The following SLC16A7 variants were observed in gnomAD, a reference collection of about 807,000 sequenced individuals.
SLC16A7 encodes the protein monocarboxylate transporter 2.
SLC16A7 carries 33 observed loss-of-function variants against 34.9 expected under a neutral mutation model. The ratio of observed to expected loss-of-function variants is 0.94; its 90% CI spans 0.72 to 1.26. The LOEUF is 1.26. SLC16A7 is among the 50% of genes most tolerant of loss of function. The probability of loss-of-function intolerance (pLI) is 0.00; values close to 1 mark genes in which losing one functional copy is unlikely to be tolerated. For missense variants in SLC16A7, 573 were observed against 578.1 expected (o/e 0.99, Z 0.09); for synonymous variants, 201 against 206.6 (o/e 0.97, Z 0.23).
chr12:59,615,808 G>A (rs546821513), intron 1 of SLC16A7, among the ~76,000 whole-genome samples: 1 of 152,296 alleles, frequency 6.6e-6, no homozygotes, highest in East Asian at 1.9e-4. Flanking sequence ...CTTTATTCAT[G>A]AGAGATGTGA....
Position 59,786,216 on chromosome 12 carries a change from A to T in SLC16A7, c.*6537A>T, listed in dbSNP as rs1001618476. The T allele has an allele frequency of 6.6e-6, 1 of 150,640 alleles. No individual in the cohort carries two copies. The highest frequency in any genetic ancestry group is 1.5e-5 in the Non-Finnish European group (1 of 67,754). The allele number at this position is 150,640 out of a possible 1,614,324, so 9.3% of individuals were successfully genotyped here. A position where few individuals can be genotyped will look rare whatever the true frequency, so the allele number is the denominator to read the frequency against. On this transcript the variant is annotated 3_prime_UTR_variant, in exon 6 of 6. Transcript: ENST00000547379. ...TAAATAAAATAAAATAAAATAATAA[A>T]AATAAAAATAAAATAGAATAAGTTG...
chr12:59,629,860 C>A (rs1431673455), intron 1 of SLC16A7, among the ~76,000 whole-genome samples: 6 of 151,866 alleles, frequency 4.0e-5, no homozygotes, highest in Admixed American at 3.3e-4. Flanking sequence ...AATCTGTTTT[C>A]TCTTTTGAAT....
chr12:59,697,523 C>G (rs1872446511), intron 2 of SLC16A7, among the ~76,000 whole-genome samples: 1 of 151,670 alleles, frequency 6.6e-6, no homozygotes, highest in Non-Finnish European at 1.5e-5. Flanking sequence ...ATTTTTAGTC[C>G]TTTTCTGAAT....
chr12:59,665,277 G>A (rs953342589), intron 2 of SLC16A7, among the ~76,000 whole-genome samples: 12 of 151,732 alleles, frequency 7.9e-5, no homozygotes, highest in Non-Finnish European at 1.6e-4. Context: ...GCCAAGTCTT[G>A]GCTAGTAAGG....
chr12:59,635,403 A>G (rs1005777048), intron 1 of SLC16A7, among the ~76,000 whole-genome samples: 8 of 152,090 alleles, frequency 5.3e-5, no homozygotes, highest in African/African-American at 1.9e-4. Context: ...TTTTATATAC[A>G]AAGTGAGCTT....
At position 59,787,081 on chromosome 12, in the gene SLC16A7, A is replaced by T. The variant is rs1478852649; in HGVS notation, c.*7402A>T. ...TGTTATAGCAATATCAAAATCATTTAAAACATCAATATTGTATTAATAGAA... is the reference window on the plus strand; with the variant it reads ...TGTTATAGCAATATCAAAATCATTTTAAACATCAATATTGTATTAATAGAA... On this transcript the variant is annotated 3_prime_UTR_variant, in exon 6 of 6. Coordinates refer to ENST00000547379, the MANE Select transcript of SLC16A7 (RefSeq NM_001270623.2). 1 of 151,470 alleles carries T rather than the reference A, an allele frequency of 6.6e-6. No homozygotes were observed. Among genetic ancestry groups the T allele is most frequent in the Admixed American group, 6.5e-5 (1 of 15,268 alleles). 9.4% of individuals were successfully genotyped at this position (151,470 alleles called of 1,614,324 possible).
chr12:59,749,950 G>A (rs1177679132), intron 3 of SLC16A7, among the ~76,000 whole-genome samples: 3 of 151,826 alleles, frequency 2.0e-5, no homozygotes, highest in Non-Finnish European at 2.9e-5. Context: ...CATAGAAGAA[G>A]CAGGGCAATG....
chr12:59,770,851 T>G (rs1882152686), intron 3 of SLC16A7, among the ~76,000 whole-genome samples: 1 of 152,224 alleles, frequency 6.6e-6, no homozygotes, highest in African/African-American at 2.4e-5. Context: ...GACAAGTCAT[T>G]TATGTAATTC....
rs535447875 is a variant in SLC16A7 at position 59,753,201 on chromosome 12, C to T, written c.218-18018C>T. ...GCTAGGAAGAAACTGCATCAACTAACGAGCAAAATAACCAGCTAACATCAT... is the reference window on the plus strand; with the variant it reads ...GCTAGGAAGAAACTGCATCAACTAATGAGCAAAATAACCAGCTAACATCAT... On this transcript the variant is annotated intron_variant, in intron 3 of 5. Transcript: ENST00000547379. Among the ~76,000 whole-genome samples the T allele has an allele frequency of 1.8e-3, 268 of 152,198 alleles. 1 individual carries two copies. Among genetic ancestry groups the T allele is most frequent in the African/African-American group, 5.8e-3 (242 of 41,528 alleles).
intron 2 of SLC16A7, among the ~76,000 whole-genome samples, chr12:59,666,516 G>A (rs1211373005): frequency 3.3e-5 from 5 of 152,162 alleles, no homozygotes; most frequent in Non-Finnish European, 7.3e-5. Flanking sequence ...CCCACCTGTT[G>A]TGGGAGGGAC....
chr12:59,674,448 GAC>G (rs1284520809), intron 2 of SLC16A7, among the ~76,000 whole-genome samples: 1 of 152,170 alleles, frequency 6.6e-6, no homozygotes, highest in African/African-American at 2.4e-5. Flanking sequence ...TATTTAAGGT[GAC>G]AGGTAATCCA....
Position 59,779,458 on chromosome 12 carries a change from A to G in SLC16A7, c.1216A>G (p.Met406Val). The G allele has an allele frequency of 6.2e-7, 1 of 1,610,410 alleles. No individual in the cohort carries two copies. Among genetic ancestry groups the G allele is most frequent in the Non-Finnish European group, 8.5e-7 (1 of 1,177,544 alleles). The change falls in exon 6 of 6, where the codon ATG becomes GTG. Residue 406 changes from methionine (M) to valine (V), a missense_variant. Met to Val is a conservative substitution (Grantham distance 21). Coordinates refer to ENST00000547379, the MANE Select transcript of SLC16A7 (RefSeq NM_001270623.2). ...LVDLTGEYKYMYMSCGAIVVA... is the reference protein window; with the variant it reads ...LVDLTGEYKYVYMSCGAIVVA... ...GGATTTAACTGGAGAATATAAATAC[A>G]TGTACATGTCCTGTGGGGCTATTGT...
Position 59,755,291 on chromosome 12 carries a change from A to G in SLC16A7, c.218-15928A>G, listed in dbSNP as rs530222504. ...AGGGGAAGGAAATAAAGGGTATTCA[A>G]TTAGGAAAAGAGGAAGTTAAATTGT... On this transcript the variant is annotated intron_variant, in intron 3 of 5. Transcript: ENST00000547379. Among the ~76,000 whole-genome samples, 284 of 152,304 alleles carry G rather than the reference A, an allele frequency of 1.9e-3. 1 individual carries two copies. Among genetic ancestry groups the G allele is most frequent in the African/African-American group, 6.5e-3 (269 of 41,564 alleles).
chr12:59,707,914 A>G (rs1873774130), intron 3 of SLC16A7, among the ~76,000 whole-genome samples: 2 of 152,114 alleles, frequency 1.3e-5, no homozygotes. Context: ...AACTGGAAAC[A>G]CAATTCTAGG....
chr12:59,761,127 A>G, intron 3 of SLC16A7: 1 of 1,273,642 alleles, frequency 7.9e-7, no homozygotes, highest in South Asian at 1.2e-5. Context: ...GTTTACAGGT[A>G]GAATATTTGA....
At chr12:59,720,902 T>A (rs1875502109) in intron 3 of SLC16A7, among the ~76,000 whole-genome samples, 1 of 152,064 alleles carries the variant, frequency 6.6e-6, no homozygotes, top group African/African-American at 2.4e-5. Context: ...CAGATTCAAT[T>A]AATTTAAGTT....
chr12:59,694,478 C>T (rs1872048252), intron 2 of SLC16A7, among the ~76,000 whole-genome samples: 1 of 151,812 alleles, frequency 6.6e-6, no homozygotes, highest in Non-Finnish European at 1.5e-5. Context: ...TAAATATATC[C>T]ACATCCAAAA....
chr12:59,741,579 C>CT (rs1352198184), intron 3 of SLC16A7, among the ~76,000 whole-genome samples: 2 of 152,152 alleles, frequency 1.3e-5, no homozygotes, highest in African/African-American at 2.4e-5. Context: ...GGATAGCATG[C>CT]TAATACAGTC....
chr12:59,679,242 A>G (rs1310485221), intron 2 of SLC16A7, among the ~76,000 whole-genome samples: 1 of 152,168 alleles, frequency 6.6e-6, no homozygotes, highest in African/African-American at 2.4e-5. Flanking sequence ...CAGTGGCCAC[A>G]GCTGCTCCCA....
Sources: gnomAD v4.1 joint callset for allele counts (sites outside exome capture counted in the v4.1 genomes callset) on GRCh38, gnomAD v4.1.1 for gene constraint, MANE v1.5 for transcripts, NCBI Gene and HGNC (gene_info 2026-07-23, HGNC 2026-07-21) for gene names.